ARHGEF4: variants seen among roughly 807,000 people sequenced by gnomAD.
ARHGEF4 encodes APC-stimulated guanine nucleotide exchange factor 1.
A neutral mutation model predicts 162.0 loss-of-function variants in ARHGEF4; 119 were observed. The observed-to-expected ratio is 0.73, with a 90% CI of 0.63 to 0.86. The LOEUF (loss-of-function observed/expected upper bound fraction) is 0.86, where lower values mean the gene tolerates loss of function less well. ARHGEF4 is among the 40% of genes least tolerant of loss of function. The pLI, the probability that ARHGEF4 is intolerant of heterozygous loss-of-function variation, is 0.00. For synonymous variants in ARHGEF4, 1,014 were observed against 979.9 expected (o/e 1.03, Z -0.65); for missense variants, 2,488 against 2,456.0 (o/e 1.01, Z -0.28).
intron 1 of ARHGEF4, among the ~76,000 whole-genome samples, chr2:130,838,949 T>A (rs1019601451): frequency 2.0e-5 from 3 of 148,662 alleles, no homozygotes; most frequent in Non-Finnish European, 1.5e-5. Flanking sequence ...AAAGTATTCC[T>A]GACACACACG....
chr2:130,879,772 ATTTTTTTAT>A (rs1458101499), intron 1 of ARHGEF4, among the ~76,000 whole-genome samples: 2 of 149,378 alleles, frequency 1.3e-5, no homozygotes, highest in African/African-American at 2.5e-5. Flanking sequence ...TTTCTTCTTT[ATTTTTTTAT>A]TTTTTTTATT....
In ARHGEF4 at chr2:130,922,136, G is replaced by A. The variant is rs375085457; in HGVS notation, c.3552+4638G>A. On this transcript the variant is annotated intron_variant, in intron 2 of 13. Transcript: ENST00000409359. ...TGTAATCTCAGCACTTTGGGAGGCC[G>A]AGGCAGCAGGATCACCTGAGGTTAG... Among the ~76,000 whole-genome samples, 58 of 152,074 alleles carry A rather than the reference G, an allele frequency of 3.8e-4. No individual in the cohort carries two copies. In the East Asian group the frequency reaches 0.01, roughly 27 times the overall value.
intron 1 of ARHGEF4, among the ~76,000 whole-genome samples, chr2:130,908,940 A>G (rs534463976): frequency 1.3e-5 from 2 of 152,350 alleles, no homozygotes; most frequent in South Asian, 2.1e-4. Flanking sequence ...GCTCAACATC[A>G]TATGCCCTGA....
intron 1 of ARHGEF4, among the ~76,000 whole-genome samples, chr2:130,892,984 G>A (rs893160102): frequency 4.6e-5 from 7 of 152,200 alleles, no homozygotes; most frequent in South Asian, 2.1e-4. Context: ...TCCTGTTTAC[G>A]GGACAGTGGC....
chr2:130,907,025 C>G (rs1177961683), intron 1 of ARHGEF4, among the ~76,000 whole-genome samples: 1 of 152,082 alleles, frequency 6.6e-6, no homozygotes, highest in Non-Finnish European at 1.5e-5. Flanking sequence ...TAAAATCATT[C>G]TCTAGTCCCC....
chr2:131,012,431 T>C (rs1558849667), intron 4 of ARHGEF4, among the ~76,000 whole-genome samples: 1 of 152,066 alleles, frequency 6.6e-6, no homozygotes, highest in Non-Finnish European at 1.5e-5. Context: ...TACCCAAAAG[T>C]GAACGCAAGC....
intron 4 of ARHGEF4, among the ~76,000 whole-genome samples, chr2:131,015,578 A>G (rs1228998438): frequency 6.6e-6 from 1 of 152,158 alleles, no homozygotes; most frequent in East Asian, 1.9e-4. Flanking sequence ...AAGTCTATCA[A>G]AAATAATCTT....
intron 4 of ARHGEF4, among the ~76,000 whole-genome samples, chr2:130,988,879 T>TAC (rs1686710872): frequency 4.1e-5 from 1 of 24,344 alleles, no homozygotes; most frequent in South Asian, 1.0e-3. Context: ...TGTGTATATA[T>TAC]ATATATATAT....
At chr2:131,011,580 C>T (rs942174526) in intron 4 of ARHGEF4, 3 of 1,501,000 alleles carry the variant, frequency 2.0e-6, no homozygotes, top group Admixed American at 4.0e-5. Flanking sequence ...CTTTGGACAG[C>T]ATTTCATGCT....
chr2:130,843,016 T>G (rs1406408462), intron 1 of ARHGEF4, among the ~76,000 whole-genome samples: 1 of 152,130 alleles, frequency 6.6e-6, no homozygotes, highest in Non-Finnish European at 1.5e-5. Context: ...GTGAGGTCTG[T>G]CCTCAAGAGC....
intron 4 of ARHGEF4, among the ~76,000 whole-genome samples, chr2:131,021,978 C>T (rs1689163552): frequency 2.0e-5 from 3 of 152,144 alleles, no homozygotes; most frequent in Non-Finnish European, 4.4e-5. Flanking sequence ...ATGTTGACCC[C>T]TCCTTGTATT....
At chr2:130,906,330 G>A (rs559557985) in intron 1 of ARHGEF4, among the ~76,000 whole-genome samples, 10 of 152,170 alleles carry the variant, frequency 6.6e-5, no homozygotes, top group South Asian at 6.2e-4. Context: ...ATAAACATAC[G>A]TTGTATATAT....
At chr2:131,034,225 C>T (rs765750047) in intron 5 of ARHGEF4, among the ~76,000 whole-genome samples, 2 of 152,224 alleles carry the variant, frequency 1.3e-5, no homozygotes, top group Non-Finnish European at 2.9e-5. Context: ...GAGCTTGTTG[C>T]CCAGAAATCT....
intron 4 of ARHGEF4, among the ~76,000 whole-genome samples, chr2:131,020,521 T>G (rs1002789448): frequency 6.6e-6 from 1 of 152,168 alleles, no homozygotes; most frequent in African/African-American, 2.4e-5. Flanking sequence ...GGACATGAAC[T>G]CATCCTTTTT....
chr2:130,914,509 C>T lies in ARHGEF4; in HGVS notation c.563C>T (p.Ala188Val), dbSNP rs1681373768. The T allele has an allele frequency of 1.4e-6, 2 of 1,428,772 alleles. No individual in the cohort carries two copies. The highest frequency in any genetic ancestry group is 1.5e-5 in the South Asian group (1 of 64,836). 88.5% of individuals were successfully genotyped at this position (1,428,772 alleles called of 1,614,324 possible). A position where few individuals can be genotyped will look rare whatever the true frequency, so the allele number is the denominator to read the frequency against. Residue 188 changes from alanine (A) to valine (V), a missense_variant, in exon 2 of 14, where the codon GCC becomes GTC. Around this residue, in one of 6 missense-constraint regions of ARHGEF4, gnomAD observed 81 missense variants for 125.8 expected, o/e 0.64. Coordinates refer to ENST00000409359, the MANE Select transcript of ARHGEF4 (RefSeq NM_001367493.1). The stretch of plus-strand genomic sequence containing the variant: ...CACACAGGGTGCTGCTTACAGAGGG[C>T]CACAGACAGCAGTGGTCCTGAGCCA... ...PRHTGCCLQR[A>V]TDSSGPEPVQ...
chr2:130,974,435 G>A (rs560893759), intron 4 of ARHGEF4, among the ~76,000 whole-genome samples: 12 of 151,588 alleles, frequency 7.9e-5, no homozygotes, highest in African/African-American at 2.7e-4. Flanking sequence ...AAGAATCCTA[G>A]CTCTTTTTGT....
chr2:130,973,660 CA>C (rs1019021932), intron 4 of ARHGEF4, among the ~76,000 whole-genome samples: 11 of 152,194 alleles, frequency 7.2e-5, no homozygotes, highest in African/African-American at 1.4e-4. Context: ...ATAACATTTC[CA>C]AAATATTTAC....
At chr2:130,885,967 T>G (rs1679498159) in intron 1 of ARHGEF4, among the ~76,000 whole-genome samples, 1 of 152,058 alleles carries the variant, frequency 6.6e-6, no homozygotes, top group Admixed American at 6.5e-5. Flanking sequence ...AATCACACTG[T>G]GAATCAAGAG....
intron 4 of ARHGEF4, among the ~76,000 whole-genome samples, chr2:131,018,427 CTAGTT>C (rs1403019020): frequency 9.9e-5 from 15 of 151,930 alleles, no homozygotes; most frequent in Non-Finnish European, 2.1e-4. Context: ...TTGAGTTGGG[CTAGTT>C]TTTGAGTTTT....
Sources: gnomAD v4.1 joint callset for allele counts (sites outside exome capture counted in the v4.1 genomes callset) on GRCh38, gnomAD v4.1.1 for gene constraint, gnomAD v4.1.1 regional missense constraint, MANE v1.5 for transcripts, NCBI Gene and HGNC (gene_info 2026-07-23, HGNC 2026-07-21) for gene names.